The following NRG1 variants were observed in gnomAD, a reference collection of about 807,000 sequenced individuals.
The protein encoded by NRG1 is pro-neuregulin-1, membrane-bound isoform.
Under a neutral mutation model 63.8 loss-of-function variants are expected in NRG1, and 18 were observed. The observed-to-expected ratio is 0.28, with a 90% CI of 0.19 to 0.42. The LOEUF (loss-of-function observed/expected upper bound fraction) is 0.42, where lower values mean the gene tolerates loss of function less well. Among genes scored for constraint, NRG1 ranks in the 10% least tolerant of loss-of-function variants. The pLI, the probability that NRG1 is intolerant of heterozygous loss-of-function variation, is 1.00. For synonymous variants in NRG1, 302 were observed against 301.3 expected, an observed-to-expected ratio of 1.00 and a Z score of -0.02; for missense variants, 762 against 814.7, an observed-to-expected ratio of 0.94 and a Z score of 0.79.
intron 1 of NRG1, among the ~76,000 whole-genome samples, chr8:32,042,961 A>AGTGTGTGTGTTTGTGTGT (rs1820315022): frequency 7.1e-6 from 1 of 139,902 alleles, no homozygotes; most frequent in Admixed American, 7.2e-5. Context: ...GAAAGAGTGC[A>AGTGTGTGTGTTTGTGTGT]GTGTGTGTGT....
chr8:32,416,979 C>T (rs1816012938), intron 1 of NRG1, among the ~76,000 whole-genome samples: 1 of 152,148 alleles, frequency 6.6e-6, no homozygotes, highest in Non-Finnish European at 1.5e-5. Flanking sequence ...AGTCACTGTG[C>T]TTGGCGTTTT....
chr8:32,755,320 G>C (rs2129053316), intron 8 of NRG1, among the ~76,000 whole-genome samples: 1 of 152,186 alleles, frequency 6.6e-6, no homozygotes, highest in South Asian at 2.1e-4. Context: ...AAAAAATGTT[G>C]CTGCACGATA....
intron 1 of NRG1, among the ~76,000 whole-genome samples, chr8:32,342,874 A>G (rs1400627664): frequency 1.3e-5 from 2 of 152,212 alleles, no homozygotes; most frequent in African/African-American, 4.8e-5. Context: ...TCAACAGTAG[A>G]TGGGCTTATA....
At chr8:31,961,757 TCTA>T (rs1805492003) in intron 1 of NRG1, among the ~76,000 whole-genome samples, 1 of 152,174 alleles carries the variant, frequency 6.6e-6, no homozygotes. Flanking sequence ...GCTATGATAA[TCTA>T]AGATTCATAA....
chr8:32,115,100 C>T (rs1481738), intron 1 of NRG1, among the ~76,000 whole-genome samples: 1 of 151,422 alleles, frequency 6.6e-6, no homozygotes, highest in South Asian at 2.1e-4. Context: ...GCATGATCTT[C>T]GCTCACTGCA....
chr8:31,740,076 G>GA (rs1586058788), intron 1 of NRG1, among the ~76,000 whole-genome samples: 5 of 150,974 alleles, frequency 3.3e-5, no homozygotes, highest in South Asian at 2.1e-4. Flanking sequence ...TTGCCTTGTG[G>GA]GAAAAAAAAA....
intron 1 of NRG1, among the ~76,000 whole-genome samples, chr8:31,960,455 C>T (rs1450679672): frequency 2.0e-5 from 3 of 152,156 alleles, no homozygotes; most frequent in Non-Finnish European, 4.4e-5. Flanking sequence ...GGATGGCTTT[C>T]GGTCTCTGGC....
chr8:32,584,369 G>A (rs1012910898), intron 1 of NRG1, among the ~76,000 whole-genome samples: 1 of 152,130 alleles, frequency 6.6e-6, no homozygotes, highest in Non-Finnish European at 1.5e-5. Flanking sequence ...GAATTCAATC[G>A]TTAGGTTGTC....
chr8:32,506,257 G>GA (rs1828513301), intron 1 of NRG1, among the ~76,000 whole-genome samples: 1 of 151,896 alleles, frequency 6.6e-6, no homozygotes, highest in Admixed American at 6.6e-5. Context: ...AAGAAAGAAA[G>GA]AAAAAACAAA....
rs147435239 is a variant in NRG1, at chr8:32,572,474, C to T, written c.101-23354C>T. Reference sequence around the variant, plus strand: ...ACTTCATTCCTCTAAGAATAATAATCCCGTCACAGTTCTAATCCTAGCATA... The same window carrying T: ...ACTTCATTCCTCTAAGAATAATAATTCCGTCACAGTTCTAATCCTAGCATA... On this transcript the variant is annotated intron_variant, in intron 1 of 11. Coordinates refer to ENST00000356819, the Ensembl canonical transcript of NRG1. Among the ~76,000 whole-genome samples, 15 of 152,238 alleles carry T rather than the reference C, an allele frequency of 9.9e-5. No individual in the cohort carries two copies. In the East Asian group the frequency reaches 2.7e-3, roughly 27 times the overall value.
At chr8:32,032,131 A>G (rs940752745) in intron 1 of NRG1, among the ~76,000 whole-genome samples, 7 of 152,098 alleles carry the variant, frequency 4.6e-5, no homozygotes, top group Non-Finnish European at 1.0e-4. Flanking sequence ...TTGACTTTTT[A>G]ATAATCTCCA....
intron 1 of NRG1, among the ~76,000 whole-genome samples, chr8:32,573,077 G>T (rs531805424): frequency 6.6e-6 from 1 of 152,204 alleles, no homozygotes; most frequent in Admixed American, 6.5e-5. Flanking sequence ...TCTGAATGGG[G>T]TTCTAGTTCC....
At chr8:32,171,849 A>C (rs2132014735) in intron 1 of NRG1, among the ~76,000 whole-genome samples, 1 of 152,218 alleles carries the variant, frequency 6.6e-6, no homozygotes, top group Middle Eastern at 3.4e-3. Flanking sequence ...AGCGGCCAGG[A>C]AGCTCGAACT....
intron 1 of NRG1, among the ~76,000 whole-genome samples, chr8:32,112,708 A>G (rs891153704): frequency 1.3e-5 from 2 of 152,158 alleles, no homozygotes; most frequent in Admixed American, 6.5e-5. Flanking sequence ...TTTTCTTCAT[A>G]GAAGTGGTGG....
intron 1 of NRG1, among the ~76,000 whole-genome samples, chr8:32,384,055 G>A (rs192965243): frequency 4.0e-4 from 61 of 152,170 alleles, no homozygotes; most frequent in African/African-American, 1.4e-3. Flanking sequence ...GGCAACATAG[G>A]GAGAACTTGT....
intron 1 of NRG1, among the ~76,000 whole-genome samples, chr8:32,536,921 T>TAAAA (rs1832034332): frequency 3.6e-4 from 1 of 2,810 alleles, no homozygotes; most frequent in Admixed American, 0.012. Context: ...AGACTCCGTC[T>TAAAA]CAAAAAAAAA....
intron 1 of NRG1, among the ~76,000 whole-genome samples, chr8:31,948,586 C>T (rs1802984708): frequency 6.6e-6 from 1 of 152,052 alleles, no homozygotes; most frequent in Non-Finnish European, 1.5e-5. Flanking sequence ...GTGATCTAAG[C>T]CATAGAGAGC....
chr8:32,164,191 A>G (rs959776248), intron 1 of NRG1, among the ~76,000 whole-genome samples: 5 of 151,116 alleles, frequency 3.3e-5, no homozygotes, highest in African/African-American at 1.2e-4. Flanking sequence ...ACCTATTATT[A>G]TGTCATCAGC....
intron 1 of NRG1, among the ~76,000 whole-genome samples, chr8:31,973,874 G>A (rs916854422): frequency 6.6e-6 from 1 of 152,146 alleles, no homozygotes; most frequent in African/African-American, 2.4e-5. Context: ...ATAAAAGAGA[G>A]AACTTAGTAT....
Sources: gnomAD v4.1 joint callset for allele counts (sites outside exome capture counted in the v4.1 genomes callset) on GRCh38, gnomAD v4.1.1 for gene constraint, MANE v1.5 for transcripts, NCBI Gene and HGNC (gene_info 2026-07-23, HGNC 2026-07-21) for gene names.